Variants in GPHN observed in about 807,000 individuals in gnomAD.
GPHN encodes the protein gephyrin.
A neutral mutation model predicts 95.5 loss-of-function variants in GPHN; 17 were observed. That is an observed-to-expected ratio of 0.18 (90% CI 0.12 to 0.27). The LOEUF is 0.27. Among genes scored for constraint, GPHN ranks in the 10% least tolerant of loss-of-function variants. The probability of loss-of-function intolerance (pLI) is 1.00; values close to 1 mark genes in which losing one functional copy is unlikely to be tolerated. For missense variants in GPHN, 660 were observed against 978.1 expected (o/e 0.67, Z 4.34); for synonymous variants, 320 against 322.5 (o/e 0.99, Z 0.08).
At chr14:67,651,357 T>C in the GPHN span, 19 of 1,613,158 alleles carry the variant, frequency 1.2e-5, no homozygotes, top group Non-Finnish European at 1.6e-5. Context: ...GTCAAAGTTC[T>C]GGTCCACAAA....
the GPHN span, among the ~76,000 whole-genome samples, chr14:67,217,166 T>C: frequency 2.1e-5 from 3 of 143,504 alleles, no homozygotes; most frequent in East Asian, 2.4e-4. Flanking sequence ...ACTTTCTTCA[T>C]CTTTTTTTTT....
At chr14:66,755,803 A>G (rs1311476866) in intron 2 of GPHN, among the ~76,000 whole-genome samples, 2 of 152,160 alleles carry the variant, frequency 1.3e-5, no homozygotes, top group Non-Finnish European at 2.9e-5. Flanking sequence ...ATTTAAATGC[A>G]TTGTGCTTTC....
At chr14:67,656,529 TG>T in the GPHN span, 1 of 1,613,970 alleles carries the variant, frequency 6.2e-7, no homozygotes, top group Non-Finnish European at 8.5e-7. Flanking sequence ...ATACTTTGGG[TG>T]GCCCGGTTCA....
At chr14:67,493,938 G>A in the GPHN span, among the ~76,000 whole-genome samples, 6 of 151,912 alleles carry the variant, frequency 3.9e-5, no homozygotes, top group Admixed American at 3.3e-4. Flanking sequence ...TTGTTCTGGG[G>A]AATCTGTGAC....
chr14:66,549,730 T>C (rs543006437), intron 1 of GPHN, among the ~76,000 whole-genome samples: 1 of 152,254 alleles, frequency 6.6e-6, no homozygotes, highest in African/African-American at 2.4e-5. Flanking sequence ...AAAAAAAGCT[T>C]CAAAGGACAT....
chr14:66,557,237 G>GTAGATAGATAGATAGATAGA (rs201752462), intron 1 of GPHN, among the ~76,000 whole-genome samples: 4 of 141,892 alleles, frequency 2.8e-5, no homozygotes, highest in Admixed American at 2.2e-4. Flanking sequence ...ACATAGGTAG[G>GTAGATAGATAGATAGATAGA]TAGATAGATA....
the GPHN span, chr14:67,579,173 A>C: frequency 2.5e-6 from 4 of 1,607,498 alleles, no homozygotes; most frequent in African/African-American, 5.4e-5. Context: ...GCCAGCGGGC[A>C]GTGGAGCGGA....
At chr14:67,220,725 A>C in the GPHN span, among the ~76,000 whole-genome samples, 1 of 152,300 alleles carries the variant, frequency 6.6e-6, no homozygotes, top group African/African-American at 2.4e-5. Flanking sequence ...CTATTTTTCA[A>C]GGTACATTTA....
At chr14:66,601,527 C>T (rs922991652) in intron 1 of GPHN, among the ~76,000 whole-genome samples, 1 of 151,964 alleles carries the variant, frequency 6.6e-6, no homozygotes, top group South Asian at 2.1e-4. Flanking sequence ...CATATACTCA[C>T]TCTATGACCA....
the GPHN span, among the ~76,000 whole-genome samples, chr14:67,240,767 T>G: frequency 6.6e-6 from 1 of 152,142 alleles, no homozygotes. Context: ...CGTAACTCTG[T>G]CCCTTCGGGA....
the GPHN span, among the ~76,000 whole-genome samples, chr14:67,461,204 C>A: frequency 6.6e-6 from 1 of 152,186 alleles, no homozygotes; most frequent in East Asian, 1.9e-4. Context: ...TGATTGGGTG[C>A]TAAGCACTCT....
the GPHN span, chr14:67,653,362 G>T: frequency 1.5e-6 from 2 of 1,341,508 alleles, no homozygotes; most frequent in East Asian, 2.3e-5. Flanking sequence ...GAGGACCTTT[G>T]TAAGTCACTA....
intron 9 of GPHN, among the ~76,000 whole-genome samples, chr14:67,005,915 C>G (rs1413023016): frequency 6.6e-6 from 1 of 151,182 alleles, no homozygotes; most frequent in Admixed American, 6.6e-5. Context: ...TTATATTTCT[C>G]CCTTGGAACT....
the GPHN span, among the ~76,000 whole-genome samples, chr14:67,518,587 G>A: frequency 6.6e-6 from 1 of 152,198 alleles, no homozygotes; most frequent in South Asian, 2.1e-4. Flanking sequence ...AAGTATCTTT[G>A]TATCTCTAAA....
the GPHN span, chr14:67,735,056 A>G: frequency 2.9e-6 from 2 of 684,106 alleles, no homozygotes; most frequent in Non-Finnish European, 5.4e-6. Flanking sequence ...ATGCACTTAC[A>G]ACCAACAGCA....
At chr14:67,436,749 G>A in the GPHN span, among the ~76,000 whole-genome samples, 15,111 of 152,192 alleles carry the variant, frequency 0.099, 1,513 homozygotes, top group African/African-American at 0.26. Context: ...GGAGAGGAGA[G>A]AAATGGCAGA....
chr14:66,850,207 A>G (rs879693331), intron 4 of GPHN, among the ~76,000 whole-genome samples: 4 of 152,170 alleles, frequency 2.6e-5, no homozygotes, highest in Non-Finnish European at 4.4e-5. Flanking sequence ...GACTTTTAAT[A>G]CACTTAGCTA....
the GPHN span, among the ~76,000 whole-genome samples, chr14:67,540,244 A>T: frequency 1.3e-5 from 2 of 152,196 alleles, no homozygotes; most frequent in Non-Finnish European, 2.9e-5. Flanking sequence ...TCCCCTACTT[A>T]CCTCTTACCT....
chr14:66,770,387 T>A (rs2059120661), intron 2 of GPHN, among the ~76,000 whole-genome samples: 1 of 152,192 alleles, frequency 6.6e-6, no homozygotes, highest in Non-Finnish European at 1.5e-5. Flanking sequence ...GGCATCTTTG[T>A]CACTAACTCT....
Sources: gnomAD v4.1 joint callset for allele counts (sites outside exome capture counted in the v4.1 genomes callset) on GRCh38, gnomAD v4.1.1 for gene constraint, MANE v1.5 for transcripts, NCBI Gene and HGNC (gene_info 2026-07-23, HGNC 2026-07-21) for gene names.